Variants in HCN1 observed in about 807,000 individuals in gnomAD.
The protein encoded by HCN1 is potassium/sodium hyperpolarization-activated cyclic nucleotide-gated channel 1.
HCN1 carries 13 observed loss-of-function variants against 78.9 expected under a neutral mutation model. The observed-to-expected ratio is 0.16, with a 90% confidence interval of 0.11 to 0.26. The LOEUF is 0.26. HCN1 is among the 10% of genes least tolerant of loss of function. The pLI, the probability that HCN1 is intolerant of heterozygous loss-of-function variation, is 1.00. For missense variants in HCN1, 810 were observed against 1,154.3 expected (o/e 0.70, Z 4.32); for synonymous variants, 552 against 455.5 (o/e 1.21, Z -2.70).
intron 2 of HCN1, among the ~76,000 whole-genome samples, chr5:45,598,230 G>A (rs1744547486): frequency 6.6e-6 from 1 of 152,008 alleles, no homozygotes; most frequent in Non-Finnish European, 1.5e-5. Context: ...ATAGACCAAT[G>A]GAACACAACA....
At chr5:45,556,119 T>C (rs1579966762) in intron 2 of HCN1, among the ~76,000 whole-genome samples, 1 of 151,710 alleles carries the variant, frequency 6.6e-6, no homozygotes. Context: ...AAGAAAACAT[T>C]AAGGAAACTC....
In HCN1 at chr5:45,262,618, C is replaced by T; in HGVS notation, c.1976G>A (p.Arg659His). 6.2e-7 allele frequency: 1 copy of T among 1,613,640 alleles called. No individual in the cohort carries two copies. ...CACCGGTGGAGATTGTGTCCTCATG[C>T]GGGAGGTCGGGGTCGTAGTAGACGA... The part of the protein sequence containing the change: ...STSSTTTPTS[R>H]MRTQSPPVYT... Residue 659 changes from arginine (R) to histidine (H), a missense_variant, in exon 8 of 8, where the codon CGC (arginine) becomes CAC (histidine). Arg to His is a conservative substitution (Grantham distance 29, BLOSUM62 0). Transcript: ENST00000303230.
intron 2 of HCN1, among the ~76,000 whole-genome samples, chr5:45,553,201 G>T (rs1238330134): frequency 6.6e-6 from 1 of 151,828 alleles, no homozygotes; most frequent in Non-Finnish European, 1.5e-5. Context: ...GGTGACTGGG[G>T]TGGACGTCCA....
chr5:45,580,265 C>A (rs1167329015), intron 2 of HCN1, among the ~76,000 whole-genome samples: 2 of 151,938 alleles, frequency 1.3e-5, no homozygotes, highest in Admixed American at 1.3e-4. Flanking sequence ...CACAAAGGAC[C>A]TTAAATGTGA....
chr5:45,420,883 G>C (rs1365077357), intron 3 of HCN1, among the ~76,000 whole-genome samples: 1 of 152,154 alleles, frequency 6.6e-6, no homozygotes, highest in Admixed American at 6.5e-5. Context: ...TTCCCAAAGT[G>C]ACAGCTAACT....
At chr5:45,507,569 C>A (rs1270282250) in intron 2 of HCN1, among the ~76,000 whole-genome samples, 2 of 152,070 alleles carry the variant, frequency 1.3e-5, no homozygotes, top group Admixed American at 1.3e-4. Context: ...ACCAAAGATA[C>A]AATAAACATC....
At chr5:45,478,656 T>C (rs1353357758) in intron 2 of HCN1, among the ~76,000 whole-genome samples, 1 of 152,182 alleles carries the variant, frequency 6.6e-6, no homozygotes, top group Non-Finnish European at 1.5e-5. Context: ...TATTCAAAAA[T>C]GCTAGGCAAC....
chr5:45,676,689 T>C (rs1403276306), intron 1 of HCN1, among the ~76,000 whole-genome samples: 3 of 151,826 alleles, frequency 2.0e-5, no homozygotes, highest in Non-Finnish European at 4.4e-5. Context: ...ATATGAATTA[T>C]AAATAAGTTC....
At chr5:45,602,934 T>G (rs1311444286) in intron 2 of HCN1, among the ~76,000 whole-genome samples, 1 of 152,070 alleles carries the variant, frequency 6.6e-6, no homozygotes, top group African/African-American at 2.4e-5. Flanking sequence ...CCACATAATA[T>G]CAACAAAAGT....
At chr5:45,584,475 CTT>C (rs1744158664) in intron 2 of HCN1, among the ~76,000 whole-genome samples, 2 of 152,018 alleles carry the variant, frequency 1.3e-5, no homozygotes, top group Admixed American at 6.6e-5. Context: ...GGTCTTGACT[CTT>C]TATCCAATTT....
At chr5:45,293,595 G>T (rs1021197519) in intron 6 of HCN1, among the ~76,000 whole-genome samples, 1 of 151,958 alleles carries the variant, frequency 6.6e-6, no homozygotes, top group Non-Finnish European at 1.5e-5. Flanking sequence ...AACTTTTTAG[G>T]TTTCTCCTTC....
intron 2 of HCN1, among the ~76,000 whole-genome samples, chr5:45,500,456 T>C (rs1291343277): frequency 1.3e-5 from 2 of 152,196 alleles, no homozygotes; most frequent in Non-Finnish European, 2.9e-5. Context: ...AAACAAGTGA[T>C]ACTTATGAGG....
rs897303053 is a variant in HCN1 at position 45,339,275 on chromosome 5, C to A, written c.1377+13825G>T. ...AGTCTTTAAAGAGATAATAAACTAA[C>A]AAATGATAAATGCTGTGAGAGAGAC... On this transcript the variant is annotated intron_variant, in intron 5 of 7. Transcript: ENST00000303230. Among the ~76,000 whole-genome samples, 11 of 152,138 alleles carry A rather than the reference C, an allele frequency of 7.2e-5. No individual in the cohort carries two copies. In the East Asian group the frequency reaches 1.5e-3, roughly 21 times the overall value.
chr5:45,302,817 A>T (rs1745654876), intron 6 of HCN1, among the ~76,000 whole-genome samples: 1 of 151,796 alleles, frequency 6.6e-6, no homozygotes, highest in Non-Finnish European at 1.5e-5. Context: ...GTCTCACAAG[A>T]TCTGATGGGT....
rs528753444 is a variant in HCN1 at position 45,395,311 on chromosome 5, T to C, written c.1230+1181A>G. Among the ~76,000 whole-genome samples, 8 of 152,288 alleles carry C rather than the reference T, an allele frequency of 5.3e-5. No homozygotes were observed. In the East Asian group the frequency reaches 1.5e-3, roughly 29 times the overall value. On this transcript the variant is annotated intron_variant, in intron 4 of 7. Transcript: ENST00000303230. ...CAAATTCCTTTAAGTATATAATTCT[T>C]AGTTAAATTCAGCATTGTATAAAGT...
At chr5:45,537,087 T>C (rs1468183663) in intron 2 of HCN1, among the ~76,000 whole-genome samples, 1 of 152,162 alleles carries the variant, frequency 6.6e-6, no homozygotes, top group Non-Finnish European at 1.5e-5. Flanking sequence ...TGGCTCTTTT[T>C]CCAGTTCTAA....
At position 45,319,667 on chromosome 5, in the gene HCN1, T is replaced by C. The variant is rs567900146; in HGVS notation, c.1378-15828A>G. On this transcript the variant is annotated intron_variant, in intron 5 of 7. Coordinates refer to ENST00000303230, the MANE Select transcript of HCN1 (RefSeq NM_021072.4). ...TCACTCTAAGTAGTATCTTTTATTG[T>C]AATTGTTTTGTTGGTAATTTGTTTC... 1.1e-3 allele frequency among the ~76,000 whole-genome samples: 160 copies of C among 151,866 alleles called. 1 individual carries two copies. Among genetic ancestry groups the C allele is most frequent in the Middle Eastern group, 3.4e-3 (1 of 294 alleles).
intron 1 of HCN1, among the ~76,000 whole-genome samples, chr5:45,684,411 G>A (rs2112093583): frequency 6.6e-6 from 1 of 152,228 alleles, no homozygotes; most frequent in East Asian, 1.9e-4. Flanking sequence ...GAAAATACAG[G>A]TGTCCAAACT....
At chr5:45,640,862 A>G (rs1264004313) in intron 2 of HCN1, among the ~76,000 whole-genome samples, 1 of 152,010 alleles carries the variant, frequency 6.6e-6, no homozygotes, top group Middle Eastern at 3.2e-3. Flanking sequence ...GTGATAGAAA[A>G]AAAAAAAAAA....
Sources: gnomAD v4.1 joint callset for allele counts (sites outside exome capture counted in the v4.1 genomes callset) on GRCh38, gnomAD v4.1.1 for gene constraint, MANE v1.5 for transcripts, NCBI Gene and HGNC (gene_info 2026-07-23, HGNC 2026-07-21) for gene names.